PRKG1: variants seen among roughly 807,000 people sequenced by gnomAD.
PRKG1 encodes the protein protein kinase cGMP-dependent 1.
A neutral mutation model predicts 88.1 loss-of-function variants in PRKG1; 35 were observed. That is an observed-to-expected ratio of 0.40 (90% CI 0.30 to 0.53). The LOEUF is 0.53. PRKG1 is among the 20% of genes least tolerant of loss of function. PRKG1 has a pLI of 0.59. For synonymous variants in PRKG1, 303 were observed against 292.5 expected (o/e 1.04, Z -0.37); for missense variants, 540 against 839.8 (o/e 0.64, Z 4.41).
intron 4 of PRKG1, among the ~76,000 whole-genome samples, chr10:51,873,674 C>T (rs757342425): frequency 1.1e-4 from 16 of 151,800 alleles, no homozygotes; most frequent in South Asian, 2.1e-4. Context: ...ATTACAGGTA[C>T]GTGCCACCGT....
chr10:51,803,999 A>G (rs1319946212), intron 3 of PRKG1, among the ~76,000 whole-genome samples: 1 of 152,170 alleles, frequency 6.6e-6, no homozygotes, highest in Admixed American at 6.6e-5. Flanking sequence ...AAGAGAATAA[A>G]TTAAAATTCA....
chr10:52,063,716 A>G (rs1224270216), intron 7 of PRKG1, among the ~76,000 whole-genome samples: 3 of 152,106 alleles, frequency 2.0e-5, no homozygotes, highest in Non-Finnish European at 4.4e-5. Flanking sequence ...AGGTGTCCCA[A>G]TGTGTGTTCA....
At chr10:52,088,366 TTTATATATTTATATA>T (rs1170474863) in intron 7 of PRKG1, among the ~76,000 whole-genome samples, 1 of 150,600 alleles carries the variant, frequency 6.6e-6, no homozygotes, top group East Asian at 1.9e-4. Flanking sequence ...TTGATATTAT[TTTATATATTTATATA>T]TTCAATTTAA....
At chr10:52,239,256 G>A (rs905235435) in intron 9 of PRKG1, among the ~76,000 whole-genome samples, 1 of 141,964 alleles carries the variant, frequency 7.0e-6, no homozygotes, top group Admixed American at 7.2e-5. Context: ...CACCGGCATG[G>A]CACATGTATA....
chr10:51,498,526 A>G (rs1840928151), intron 3 of PRKG1, among the ~76,000 whole-genome samples: 1 of 152,220 alleles, frequency 6.6e-6, no homozygotes, highest in African/African-American at 2.4e-5. Context: ...CATATGTGTA[A>G]TTAGCTAGAC....
chr10:51,192,827 C>T (rs1837664175), intron 2 of PRKG1, among the ~76,000 whole-genome samples: 1 of 151,888 alleles, frequency 6.6e-6, no homozygotes, highest in Non-Finnish European at 1.5e-5. Context: ...GTAGAATGGC[C>T]ATTCATATCT....
intron 1 of PRKG1, among the ~76,000 whole-genome samples, chr10:51,138,785 C>T (rs1430687206): frequency 1.5e-5 from 2 of 134,032 alleles, no homozygotes; most frequent in African/African-American, 5.4e-5. Flanking sequence ...CAGGTTCAAA[C>T]GATTCCCCTG....
chr10:51,866,200 T>C (rs1841011377), intron 4 of PRKG1, among the ~76,000 whole-genome samples: 1 of 152,044 alleles, frequency 6.6e-6, no homozygotes, highest in Non-Finnish European at 1.5e-5. Flanking sequence ...GTGTAATAAA[T>C]TTCATTATTC....
intron 2 of PRKG1, among the ~76,000 whole-genome samples, chr10:51,182,399 G>A (rs1276395871): frequency 6.6e-6 from 1 of 152,186 alleles, no homozygotes; most frequent in Non-Finnish European, 1.5e-5. Context: ...ACAGGTTCCT[G>A]TATCCCAGGG....
chr10:51,599,890 C>T (rs1366408978), intron 3 of PRKG1, among the ~76,000 whole-genome samples: 3 of 152,088 alleles, frequency 2.0e-5, no homozygotes, highest in African/African-American at 7.2e-5. Flanking sequence ...AGCTTTTTCC[C>T]CTTGTAAATT....
chr10:52,284,638 G>A (rs1158520292), intron 14 of PRKG1, among the ~76,000 whole-genome samples: 6 of 152,064 alleles, frequency 3.9e-5, no homozygotes, highest in Non-Finnish European at 8.8e-5. Context: ...TGACTCCAAA[G>A]TATTTTGGTC....
intron 1 of PRKG1, among the ~76,000 whole-genome samples, chr10:51,027,621 A>G (rs1005041472): frequency 1.3e-5 from 2 of 152,202 alleles, no homozygotes; most frequent in Admixed American, 1.3e-4. Flanking sequence ...CTATTTTAAA[A>G]TGTTTTCCAA....
At chr10:51,512,309 G>C (rs1426446509) in intron 3 of PRKG1, among the ~76,000 whole-genome samples, 44 of 146,510 alleles carry the variant, frequency 3.0e-4, no homozygotes, top group African/African-American at 1.1e-3. Flanking sequence ...TCGTCATTTA[G>C]CATTAGATAT....
chr10:51,588,439 G>T (rs1838226524), intron 3 of PRKG1, among the ~76,000 whole-genome samples: 1 of 152,130 alleles, frequency 6.6e-6, no homozygotes, highest in Admixed American at 6.6e-5. Context: ...GTCTGAGGTA[G>T]GCCTTACAAC....
chr10:51,133,112 A>C (rs1845611286), intron 1 of PRKG1, among the ~76,000 whole-genome samples: 1 of 152,110 alleles, frequency 6.6e-6, no homozygotes, highest in East Asian at 1.9e-4. Context: ...TATATGGATA[A>C]TCCTTTCCTA....
intron 3 of PRKG1, among the ~76,000 whole-genome samples, chr10:51,782,331 T>C (rs573586208): frequency 6.6e-6 from 1 of 152,270 alleles, no homozygotes; most frequent in Admixed American, 6.5e-5. Context: ...AGGAGATCTG[T>C]ACACAATTAT....
At chr10:51,388,012 G>T (rs946923389) in intron 2 of PRKG1, among the ~76,000 whole-genome samples, 2 of 151,972 alleles carry the variant, frequency 1.3e-5, no homozygotes, top group East Asian at 1.9e-4. Flanking sequence ...TGATATTTTT[G>T]TTTTTTCATT....
chr10:51,703,421 T>A (rs1316208014), intron 3 of PRKG1, among the ~76,000 whole-genome samples: 1 of 152,206 alleles, frequency 6.6e-6, no homozygotes, highest in Non-Finnish European at 1.5e-5. Context: ...CTTTCTACCC[T>A]TTCCCCTAGG....
At chr10:51,026,797 T>C (rs1051008541) in intron 1 of PRKG1, among the ~76,000 whole-genome samples, 2 of 152,162 alleles carry the variant, frequency 1.3e-5, no homozygotes, top group African/African-American at 2.4e-5. Context: ...AGAACTAAGA[T>C]TTATTAAGCA....
Sources: gnomAD v4.1 joint callset for allele counts (sites outside exome capture counted in the v4.1 genomes callset) on GRCh38, gnomAD v4.1.1 for gene constraint, MANE v1.5 for transcripts, NCBI Gene and HGNC (gene_info 2026-07-23, HGNC 2026-07-21) for gene names.